The following MED13 variants were observed in gnomAD, a reference collection of about 807,000 sequenced individuals.
MED13 encodes the protein mediator complex subunit 13.
In MED13, 23 loss-of-function variants were observed where a neutral mutation model predicts 225.2. The ratio of observed to expected loss-of-function variants is 0.10; its 90% CI spans 0.07 to 0.14. The LOEUF (loss-of-function observed/expected upper bound fraction) is 0.14. Ranked by LOEUF, MED13 falls within the 10% of genes least tolerant of loss-of-function variation. The pLI, the probability that MED13 is intolerant of heterozygous loss-of-function variation, is 1.00. For synonymous variants in MED13, 942 were observed against 889.2 expected, an observed-to-expected ratio of 1.06 and a Z score of -1.06; for missense variants, 2,197 against 2,594.5, an observed-to-expected ratio of 0.85 and a Z score of 3.33.
intron 28 of MED13, among the ~76,000 whole-genome samples, chr17:61,950,071 A>T (rs1258538010): frequency 3.9e-5 from 6 of 152,236 alleles, no homozygotes; most frequent in African/African-American, 7.2e-5. Context: ...AATAATCATT[A>T]AAAGACCCAG....
Position 61,946,446 on chromosome 17 carries a change from G to C in MED13, c.*22C>G. On this transcript the variant is annotated 3_prime_UTR_variant, in exon 30 of 30. Transcript: ENST00000397786. Reference sequence around the variant, plus strand: ...ATCCATTTTTCCTTGTTCTTTTCTTGCACAGTTCCATCAAATGAAGATCAC... The same window carrying C: ...ATCCATTTTTCCTTGTTCTTTTCTTCCACAGTTCCATCAAATGAAGATCAC... 2 of 1,608,756 alleles carry C rather than the reference G, an allele frequency of 1.2e-6. No individual in the cohort carries two copies. The highest frequency in any genetic ancestry group is 1.7e-6 in the Non-Finnish European group (2 of 1,177,166).
At chr17:62,065,102 G>T (rs1603411157) in intron 1 of MED13, 38 bp downstream of exon 1, 2 of 1,512,104 alleles carry the variant, frequency 1.3e-6, no homozygotes, top group East Asian at 2.8e-5. Flanking sequence ...GCACCTCGCG[G>T]CCCCCCTCCC....
rs778251328 is a variant in MED13, at chr17:61,983,102, A to G, written c.2901T>C (p.Asn967=). Residue 967 remains asparagine (N), a synonymous_variant, in exon 16 of 30, where the codon AAT becomes AAC. Coordinates refer to ENST00000397786, the MANE Select transcript of MED13 (RefSeq NM_005121.3). The part of the protein sequence containing the change: ...MPFIKEGDGS[N]MDQEYGTAYT... ...AAGCAGTGCCATATTCTTGATCCATATTACTTCCATCACTATCATCACCAG... is the reference window on the plus strand; with the variant it reads ...AAGCAGTGCCATATTCTTGATCCATGTTACTTCCATCACTATCATCACCAG... 3.1e-6 allele frequency: 5 copies of G among 1,603,666 alleles called. No homozygotes were observed. In the East Asian group the frequency reaches 8.9e-5, roughly 29 times the overall value.
intron 8 of MED13, among the ~76,000 whole-genome samples, chr17:62,023,119 A>G (rs2080665721): frequency 1.3e-5 from 2 of 152,194 alleles, no homozygotes; most frequent in African/African-American, 4.8e-5. Flanking sequence ...CTTGGGGGAG[A>G]GAAAGGATGG....
chr17:62,045,985 A>G (rs1185287312), intron 3 of MED13, among the ~76,000 whole-genome samples: 2 of 152,212 alleles, frequency 1.3e-5, no homozygotes, highest in Non-Finnish European at 2.9e-5. Flanking sequence ...AAGGTAAGCA[A>G]TATTATTTTC....
chr17:61,968,565 T>C (rs2080079714), intron 17 of MED13, among the ~76,000 whole-genome samples: 1 of 152,166 alleles, frequency 6.6e-6, no homozygotes, highest in Non-Finnish European at 1.5e-5. Flanking sequence ...TGACCTTGTG[T>C]CCGCCCACCT....
chr17:61,960,055 T>C (rs1287910207), intron 23 of MED13, among the ~76,000 whole-genome samples: 2 of 152,086 alleles, frequency 1.3e-5, no homozygotes, highest in African/African-American at 2.4e-5. Context: ...CTAAAAATCA[T>C]TTCACGAATT....
At chr17:61,975,691 A>G (rs188748299) in intron 16 of MED13, among the ~76,000 whole-genome samples, 439 of 152,212 alleles carry the variant, frequency 2.9e-3, no homozygotes, top group Middle Eastern at 6.8e-3. Context: ...ACTGCACTCC[A>G]GCCTGGATGA....
intron 2 of MED13, among the ~76,000 whole-genome samples, chr17:62,060,278 G>A (rs929707238): frequency 2.0e-5 from 3 of 150,784 alleles, no homozygotes; most frequent in African/African-American, 7.3e-5. Flanking sequence ...GGGCGACAAA[G>A]CAAGACTCCA....
intron 9 of MED13, chr17:62,007,354 G>A (rs552913621): frequency 5.3e-5 from 8 of 151,934 alleles, no homozygotes; most frequent in Non-Finnish European, 7.4e-5. Context: ...ATCAAACAAC[G>A]GAATGTTATT....
chr17:61,999,525 A>G (rs955464690), intron 9 of MED13, among the ~76,000 whole-genome samples: 4 of 152,322 alleles, frequency 2.6e-5, no homozygotes, highest in South Asian at 4.1e-4. Flanking sequence ...AGAAAAAAAG[A>G]TATTTGCCAC....
At chr17:61,961,159 ATTC>A in intron 22 of MED13, 69 bp from the exon 23 acceptor site, 6 of 1,243,722 alleles carry the variant, frequency 4.8e-6, no homozygotes, top group Non-Finnish European at 6.7e-6. Context: ...TTAAAATGTA[ATTC>A]TTATCTACCC....
At chr17:62,059,218 T>C (rs1401610667) in intron 2 of MED13, among the ~76,000 whole-genome samples, 3 of 152,236 alleles carry the variant, frequency 2.0e-5, no homozygotes. Flanking sequence ...AGTATCAATA[T>C]TGGTTCATTA....
chr17:62,045,620 C>T (rs2080891356), intron 3 of MED13, among the ~76,000 whole-genome samples: 1 of 152,154 alleles, frequency 6.6e-6, no homozygotes, highest in Non-Finnish European at 1.5e-5. Context: ...GAGACTAAAA[C>T]CTACATTAAG....
Position 61,950,805 on chromosome 17 carries a change from T to C in MED13, c.6291+20A>G, listed in dbSNP as rs1320848264. On this transcript the variant is annotated intron_variant, in intron 28 of 29. Transcript: ENST00000397786. The stretch of plus-strand genomic sequence containing the variant: ...CTGTCAATCAGAATTATTTAGGAAC[T>C]GGGACAGAAATGGCAATACCTTAAG... 1.3e-6 allele frequency: 2 copies of C among 1,596,742 alleles called. No individual in the cohort carries two copies. The highest frequency in any genetic ancestry group is 1.3e-5 in the African/African-American group (1 of 74,218).
intron 8 of MED13, among the ~76,000 whole-genome samples, chr17:62,015,940 ATATATATATATATATTTTTTTT>A (rs2080569613): frequency 2.1e-4 from 2 of 9,636 alleles, no homozygotes; most frequent in Non-Finnish European, 4.6e-4. Context: ...ATATATATAT[ATATATATATATATATTTTTTTT>A]TTTTTTTTTT....
At chr17:62,063,035 A>G (rs1165655923) in intron 2 of MED13, 32 bp downstream of exon 2, 1 of 1,499,684 alleles carries the variant, frequency 6.7e-7, no homozygotes, top group Non-Finnish European at 9.3e-7. Context: ...ATGTTGCTAT[A>G]TCATTAGTTA....
intron 3 of MED13, among the ~76,000 whole-genome samples, chr17:62,046,057 T>C (rs1176744353): frequency 6.6e-6 from 1 of 152,238 alleles, no homozygotes; most frequent in Non-Finnish European, 1.5e-5. Flanking sequence ...ACTCTTGTTC[T>C]TTTTTCAGAA....
At chr17:61,950,447 G>C (rs1054827054) in intron 28 of MED13, among the ~76,000 whole-genome samples, 3 of 150,644 alleles carry the variant, frequency 2.0e-5, no homozygotes, top group African/African-American at 7.3e-5. Context: ...GAAGTGGTAC[G>C]ATCTCGGCTC....
Sources: allele counts gnomAD v4.1 joint callset (sites outside exome capture counted in the v4.1 genomes callset), GRCh38; gene constraint gnomAD v4.1.1; transcripts MANE v1.5; gene names NCBI Gene and HGNC (gene_info 2026-07-23, HGNC 2026-07-21).